EHD2: variants seen among roughly 807,000 people sequenced by gnomAD.
EHD2 encodes the protein EH domain-containing protein 2.
In EHD2, 27 loss-of-function variants were observed where a neutral mutation model predicts 41.0. The ratio of observed to expected loss-of-function variants is 0.66; its 90% CI spans 0.49 to 0.91. EHD2 has a LOEUF of 0.91. Among genes scored for constraint, EHD2 ranks in the 40% least tolerant of loss-of-function variants. The probability of loss-of-function intolerance (pLI) is 0.00; values close to 1 mark genes in which losing one functional copy is unlikely to be tolerated. For synonymous variants in EHD2, 342 were observed against 341.0 expected (o/e 1.00, Z -0.03); for missense variants, 673 against 773.9 (o/e 0.87, Z 1.55).
At chr19:47,733,345 C>A (rs988336944) in intron 4 of EHD2, among the ~76,000 whole-genome samples, 1 of 151,544 alleles carries the variant, frequency 6.6e-6, no homozygotes, top group African/African-American at 2.4e-5. Context: ...CAGTGATCCT[C>A]CCATCTCAGC....
chr19:47,723,635 G>A lies in EHD2; in HGVS notation c.503-2177G>A, dbSNP rs1272738994. On this transcript the variant is annotated intron_variant, in intron 3 of 5. Coordinates refer to ENST00000263277, the MANE Select transcript of EHD2 (RefSeq NM_014601.4). ...CGCGCCACTGCACTCCAACCTGGGC[G>A]ACAGCGAGACTCCGTCTGAAAAAAA... is the stretch of plus-strand genomic sequence containing the variant. Among the ~76,000 whole-genome samples, 9 of 127,374 alleles carry A rather than the reference G, an allele frequency of 7.1e-5. 2 individuals are homozygous for A. In the South Asian group the frequency reaches 1.8e-3, roughly 25 times the overall value. The allele number at this position is 127,374 out of a possible 152,430, so 83.6% of individuals were successfully genotyped here.
chr19:47,731,279 A>AAAAAATAT lies in EHD2; in HGVS notation c.915+5056_915+5057insAAAATATA. 46 of 60,928 alleles carry AAAAAATAT rather than the reference A, an allele frequency of 7.5e-4. 1 individual carries two copies. The highest frequency in any genetic ancestry group is 2.1e-3 in the African/African-American group (43 of 20,472). The allele number at this position is 60,928 out of a possible 1,614,324, so 3.8% of individuals were successfully genotyped here. ...ATTTGTGATTCTTTAAAAAAAAAAA[A>AAAAAATAT]ATATATATATATATATATATATACA... On this transcript the variant is annotated intron_variant, in intron 4 of 5. Transcript: ENST00000263277.
chr19:47,741,141 C>G lies in EHD2; in HGVS notation c.1341C>G (p.Thr447=), dbSNP rs202052193. The G allele has an allele frequency of 8.6e-5, 139 of 1,612,356 alleles. No homozygotes were observed. The highest frequency in any genetic ancestry group is 6.9e-4 in the South Asian group (63 of 91,082). Residue 447 remains threonine (T), a synonymous_variant, in exon 6 of 6, where the codon ACC becomes ACG. Transcript: ENST00000263277. The surrounding 1 kb of genome is among the most constrained non-coding windows in gnomAD (Gnocchi z 4.5). ...GSDDEAEWVV[T]KDKSKYDEIF... ...ACGACGAGGCCGAGTGGGTGGTGAC[C>G]AAGGACAAGTCCAAATACGACGAGA...
At chr19:47,739,259 C>T (rs1218720236) in intron 5 of EHD2, among the ~76,000 whole-genome samples, 2 of 146,274 alleles carry the variant, frequency 1.4e-5, no homozygotes, top group East Asian at 4.0e-4. Context: ...CACCACCACA[C>T]CTGGCTAATT....
At chr19:47,724,637 A>G (rs1973730387) in intron 3 of EHD2, among the ~76,000 whole-genome samples, 1 of 152,078 alleles carries the variant, frequency 6.6e-6, no homozygotes, top group African/African-American at 2.4e-5. Context: ...GAGCATGGGA[A>G]CCCATGGCTG....
intron 3 of EHD2, 147 bp downstream of exon 3, chr19:47,718,753 C>A (rs1973661232): frequency 1.8e-6 from 1 of 559,862 alleles, no homozygotes; most frequent in Non-Finnish European, 2.9e-6. Context: ...GGAGGAGGGG[C>A]TGGGGTCTGG....
At chr19:47,736,583 G>T in intron 5 of EHD2, 50 bp downstream of exon 5, 1 of 1,522,382 alleles carries the variant, frequency 6.6e-7, no homozygotes, top group South Asian at 1.3e-5. Flanking sequence ...TGGGAAGGTT[G>T]GTTTCTGGAA....
intron 5 of EHD2, among the ~76,000 whole-genome samples, chr19:47,738,821 T>C (rs188928402): frequency 1.3e-5 from 2 of 152,226 alleles, no homozygotes; most frequent in East Asian, 3.9e-4. Flanking sequence ...GAAATTCACA[T>C]AGGGCTGTGA....
intron 2 of EHD2, among the ~76,000 whole-genome samples, chr19:47,718,118 C>CA (rs1349740603): frequency 1.4e-5 from 2 of 147,168 alleles, no homozygotes; most frequent in African/African-American, 5.0e-5. Context: ...ACTAAAAATA[C>CA]AAAAATTAGC....
chr19:47,723,653 G>GAAAA (rs11407002), intron 3 of EHD2, among the ~76,000 whole-genome samples: 2 of 71,352 alleles, frequency 2.8e-5, no homozygotes, highest in African/African-American at 1.1e-4. Context: ...GACTCCGTCT[G>GAAAA]AAAAAAAAAA....
At chr19:47,734,828 G>A (rs1966904738) in intron 4 of EHD2, among the ~76,000 whole-genome samples, 2 of 151,686 alleles carry the variant, frequency 1.3e-5, no homozygotes, top group South Asian at 2.1e-4. Flanking sequence ...CGAGGCGGGT[G>A]GATCTCTTGA....
At chr19:47,717,062 T>C (rs773414201) in intron 2 of EHD2, 46 bp downstream of exon 2, 2 of 1,597,074 alleles carry the variant, frequency 1.3e-6, no homozygotes, top group South Asian at 2.2e-5. Context: ...TTTCTTTTTG[T>C]TAAGACAGAG....
chr19:47,720,051 T>C (rs1454699170), intron 3 of EHD2, among the ~76,000 whole-genome samples: 1 of 151,604 alleles, frequency 6.6e-6, no homozygotes, highest in East Asian at 1.9e-4. Flanking sequence ...TGTATAGCAG[T>C]GGACGTGCCT....
chr19:47,740,172 C>T (rs1029482909), intron 5 of EHD2, among the ~76,000 whole-genome samples: 5 of 152,120 alleles, frequency 3.3e-5, no homozygotes, highest in Non-Finnish European at 7.4e-5. Flanking sequence ...TCGAGACCAG[C>T]CTGGGCAACA....
chr19:47,740,545 A>C (rs1302897788), intron 5 of EHD2, among the ~76,000 whole-genome samples: 1 of 152,126 alleles, frequency 6.6e-6, no homozygotes, highest in African/African-American at 2.4e-5. Flanking sequence ...CAGGAGTTCG[A>C]GACCAGCCTG....
chr19:47,723,699 G>C (rs1024209442), intron 3 of EHD2, among the ~76,000 whole-genome samples: 7 of 141,898 alleles, frequency 4.9e-5, no homozygotes, highest in African/African-American at 1.9e-4. Flanking sequence ...TTTTTAAAGA[G>C]ACAAGGTCTT....
At chr19:47,729,979 C>G (rs1016089514) in intron 4 of EHD2, among the ~76,000 whole-genome samples, 2 of 152,166 alleles carry the variant, frequency 1.3e-5, no homozygotes, top group African/African-American at 4.8e-5. Flanking sequence ...GCCGCCCTCT[C>G]TCTGTCTTCC....
At chr19:47,726,708 G>C (rs543104182) in intron 4 of EHD2, among the ~76,000 whole-genome samples, 1 of 151,200 alleles carries the variant, frequency 6.6e-6, no homozygotes, top group Non-Finnish European at 1.5e-5. Context: ...ATGGAGTCTC[G>C]CTCTCTTGCC....
At chr19:47,740,259 T>A (rs1367492051) in intron 5 of EHD2, among the ~76,000 whole-genome samples, 1 of 151,732 alleles carries the variant, frequency 6.6e-6, no homozygotes, top group African/African-American at 2.4e-5. Flanking sequence ...CCCAGCGAAT[T>A]GCGGGGGCTG....
Sources: allele counts gnomAD v4.1 joint callset (sites outside exome capture counted in the v4.1 genomes callset), GRCh38; gene constraint gnomAD v4.1.1; non-coding constraint Gnocchi (gnomAD v3.1); transcripts MANE v1.5; gene names NCBI Gene and HGNC (gene_info 2026-07-23, HGNC 2026-07-21).